C6orf89: variants seen among roughly 807,000 people sequenced by gnomAD.
The protein encoded by C6orf89 is bombesin receptor-activated protein C6orf89.
Under a neutral mutation model 40.7 loss-of-function variants are expected in C6orf89, and 29 were observed. The ratio of observed to expected loss-of-function variants is 0.71; its 90% CI spans 0.53 to 0.97. C6orf89 has a LOEUF of 0.97. Ranked by LOEUF, C6orf89 falls within the 50% of genes least tolerant of loss-of-function variation. C6orf89 has a pLI of 0.00. For missense variants in C6orf89, 392 were observed against 429.1 expected, an observed-to-expected ratio of 0.91 and a Z score of 0.76; for synonymous variants, 165 against 152.2, an observed-to-expected ratio of 1.08 and a Z score of -0.62.
intron 1 of C6orf89, among the ~76,000 whole-genome samples, chr6:36,890,406 T>A (rs1761153417): frequency 6.6e-6 from 1 of 152,234 alleles, no homozygotes. Flanking sequence ...GTATTTATCT[T>A]TCTGTGTCTG....
intron 4 of C6orf89, among the ~76,000 whole-genome samples, chr6:36,906,067 G>A (rs1170560796): frequency 2.0e-5 from 3 of 152,204 alleles, no homozygotes; most frequent in African/African-American, 7.2e-5. Flanking sequence ...TTCTACTGAG[G>A]AAGCCTGGGA....
chr6:36,909,813 T>G (rs1417951157), intron 4 of C6orf89, among the ~76,000 whole-genome samples: 1 of 151,818 alleles, frequency 6.6e-6, no homozygotes, highest in African/African-American at 2.4e-5. Flanking sequence ...TTTTTGTTAA[T>G]TCAAACAGAG....
chr6:36,908,460 ATACT>A (rs66609359), intron 4 of C6orf89, among the ~76,000 whole-genome samples: 37,704 of 151,982 alleles, frequency 0.25, 4,918 homozygotes, highest in African/African-American at 0.31. Context: ...ATATTTAAAA[ATACT>A]TATAATAAAG....
Position 36,924,819 on chromosome 6 carries a change from G to A in C6orf89, c.*1378G>A, listed in dbSNP as rs947145737. The A allele has an allele frequency of 6.6e-6, 1 of 152,210 alleles. No individual in the cohort carries two copies. The highest frequency in any genetic ancestry group is 2.4e-5 in the African/African-American group (1 of 41,462). 9.4% of individuals were successfully genotyped at this position (152,210 alleles called of 1,614,324 possible). ...TCTATGTCAGAATTATGGATCAGAG[G>A]CAGACAATGACGAGTGAAGATGGTT... On this transcript the variant is annotated 3_prime_UTR_variant, in exon 9 of 9. Coordinates refer to ENST00000480824, the MANE Select transcript of C6orf89 (RefSeq NM_001286635.2).
In C6orf89 at chr6:36,927,354, T is replaced by C. The variant is rs914030047; in HGVS notation, c.*3913T>C. 1.3e-5 allele frequency: 2 copies of C among 152,370 alleles called. No homozygotes were observed. Among genetic ancestry groups the C allele is most frequent in the Non-Finnish European group, 2.9e-5 (2 of 68,034 alleles). The allele number at this position is 152,370 out of a possible 1,614,324, so 9.4% of individuals were successfully genotyped here. A position where few individuals can be genotyped will look rare whatever the true frequency, so the allele number is the denominator to read the frequency against. On this transcript the variant is annotated 3_prime_UTR_variant, in exon 9 of 9. Coordinates refer to ENST00000480824, the MANE Select transcript of C6orf89 (RefSeq NM_001286635.2). ...GAGTTTGCTTATTACCCAGTCACTT[T>C]CGTAGTGAATGTTCAAACCCCAAAG...
At position 36,889,829 on chromosome 6, in the gene C6orf89, C is replaced by T. The variant is rs147655804; in HGVS notation, c.-120+3801C>T. ...ATGCCAATGGTTGTGTGTAGAATAA[C>T]GTCGTTATTCTTAGGAGATGCATGT... On this transcript the variant is annotated intron_variant, in intron 1 of 8. Transcript: ENST00000480824. Among the ~76,000 whole-genome samples the T allele has an allele frequency of 3.9e-3, 587 of 152,264 alleles. 1 individual carries two copies. Among genetic ancestry groups the T allele is most frequent in the African/African-American group, 0.013 (548 of 41,534 alleles).
upstream of C6orf89, among the ~76,000 whole-genome samples, chr6:36,885,520 G>A (rs535746081): frequency 2.0e-5 from 3 of 152,160 alleles, no homozygotes; most frequent in Admixed American, 6.5e-5. Flanking sequence ...CTAATGAGTG[G>A]GCTGAGTGAA....
Position 36,914,441 on chromosome 6 carries a change from C to T in C6orf89, c.555+6C>T. ...TCCATCCACTGGTGATCAAGGTGAG[C>T]AGAAGCCTGAGTCTCCCGCTGATTG... is the stretch of plus-strand genomic sequence containing the variant. On this transcript the variant is annotated splice_donor_region_variant and intron_variant, in intron 5 of 8. Coordinates refer to ENST00000480824, the MANE Select transcript of C6orf89 (RefSeq NM_001286635.2). The T allele has an allele frequency of 6.2e-7, 1 of 1,614,124 alleles. No homozygotes were observed. The highest frequency in any genetic ancestry group is 8.5e-7 in the Non-Finnish European group (1 of 1,179,968).
intron 4 of C6orf89, 61 bp from the exon 5 acceptor site, chr6:36,914,223 A>G: frequency 7.2e-7 from 1 of 1,393,824 alleles, no homozygotes; most frequent in Non-Finnish European, 9.9e-7. Flanking sequence ...TGTTGGAGCT[A>G]CTGGATGTAC....
At chr6:36,910,027 G>A (rs1432926894) in intron 4 of C6orf89, among the ~76,000 whole-genome samples, 2 of 152,162 alleles carry the variant, frequency 1.3e-5, no homozygotes, top group East Asian at 3.9e-4. Context: ...TGTGCCAAGG[G>A]ATTGACTAAT....
In C6orf89 at chr6:36,924,933, T is replaced by C. The variant is rs1762630964; in HGVS notation, c.*1492T>C. ...GTCTCATGAACAGCAGTGGGGACCA[T>C]TGAGCACTTGAATGGCCTGTTTGTC... On this transcript the variant is annotated 3_prime_UTR_variant, in exon 9 of 9. Transcript: ENST00000480824. The C allele has an allele frequency of 6.6e-6, 1 of 152,156 alleles. No individual in the cohort carries two copies. The highest frequency in any genetic ancestry group is 1.5e-5 in the Non-Finnish European group (1 of 68,034). 9.4% of individuals were successfully genotyped at this position (152,156 alleles called of 1,614,324 possible). A position where few individuals can be genotyped will look rare whatever the true frequency, so the allele number is the denominator to read the frequency against.
At chr6:36,872,034 T>A in intron 1 of C6orf89, 1 of 598,090 alleles carries the variant, frequency 1.7e-6, no homozygotes, top group Non-Finnish European at 2.6e-6. Context: ...ACAATGCAAG[T>A]AACATAAACA....
intron 7 of C6orf89, among the ~76,000 whole-genome samples, chr6:36,918,382 A>G (rs754121229): frequency 1.3e-5 from 2 of 152,226 alleles, no homozygotes; most frequent in Non-Finnish European, 2.9e-5. Flanking sequence ...TACAGATGTT[A>G]AGGCTTCTGC....
rs1191302356 is a variant in C6orf89, at chr6:36,926,657, GAAT to G, written c.*3221_*3223del. On this transcript the variant is annotated 3_prime_UTR_variant, in exon 9 of 9. Transcript: ENST00000480824. ...GGGGGGCTCATGTTCTGAGAGAAAG[GAAT>G]AATAGCATTTGTCTAGTACATTCCA... The G allele has an allele frequency of 6.6e-6, 1 of 151,878 alleles. No individual in the cohort carries two copies. Among genetic ancestry groups the G allele is most frequent in the Non-Finnish European group, 1.5e-5 (1 of 67,988 alleles). 9.4% of individuals were successfully genotyped at this position (151,878 alleles called of 1,614,324 possible). A position where few individuals can be genotyped will look rare whatever the true frequency, so the allele number is the denominator to read the frequency against.
At position 36,914,429 on chromosome 6, in the gene C6orf89, G is replaced by A; in HGVS notation, c.549G>A (p.Val183=). ...PRKFERLHPL[V]IKTGKPLLEE... ...AATTTGAGAGGCTCCATCCACTGGTGATCAAGGTGAGCAGAAGCCTGAGTC... is the reference window on the plus strand; with the variant it reads ...AATTTGAGAGGCTCCATCCACTGGTAATCAAGGTGAGCAGAAGCCTGAGTC... The change falls in exon 5 of 9, where the codon GTG becomes GTA. Residue 183 remains valine (V), a synonymous_variant. Transcript: ENST00000480824. 6.2e-7 allele frequency: 1 copy of A among 1,614,160 alleles called. No individual in the cohort carries two copies. Among genetic ancestry groups the A allele is most frequent in the Non-Finnish European group, 8.5e-7 (1 of 1,180,018 alleles).
At position 36,901,318 on chromosome 6, in the gene C6orf89, A is replaced by ATTTTTT. The variant is rs1408790414; in HGVS notation, c.190-901_190-900insTTTTTT. ...TATTATTATTATTATTATTATTATT[A>ATTTTTT]TTATTTTTTTTTTTTTTTTTTTTTT... is the stretch of plus-strand genomic sequence containing the variant. On this transcript the variant is annotated intron_variant, in intron 3 of 8. Coordinates refer to ENST00000480824, the MANE Select transcript of C6orf89 (RefSeq NM_001286635.2). Among the ~76,000 whole-genome samples the ATTTTTT allele has an allele frequency of 2.0e-3, 127 of 64,920 alleles. 1 individual carries two copies. The highest frequency in any genetic ancestry group is 9.6e-3 in the Middle Eastern group (1 of 104). 42.6% of individuals were successfully genotyped at this position (64,920 alleles called of 152,430 possible).
chr6:36,914,841 T>G, intron 6 of C6orf89, 148 bp downstream of exon 6: 1 of 926,706 alleles, frequency 1.1e-6, no homozygotes, highest in Non-Finnish European at 1.6e-6. Flanking sequence ...AATACAAAAA[T>G]TAGCCAGGTA....
At chr6:36,889,204 C>T (rs1775102395) in intron 1 of C6orf89, among the ~76,000 whole-genome samples, 1 of 152,132 alleles carries the variant, frequency 6.6e-6, no homozygotes, top group Admixed American at 6.5e-5. Flanking sequence ...GTAGCAACAG[C>T]AGCTGCTGCA....
At chr6:36,903,280 A>G (rs543934760) in intron 4 of C6orf89, among the ~76,000 whole-genome samples, 25 of 151,870 alleles carry the variant, frequency 1.6e-4, no homozygotes, top group African/African-American at 5.8e-4. Context: ...GGGGGATATT[A>G]TTTTGGGATT....
Sources: allele counts gnomAD v4.1 joint callset (sites outside exome capture counted in the v4.1 genomes callset), GRCh38; gene constraint gnomAD v4.1.1; transcripts MANE v1.5; gene names NCBI Gene and HGNC (gene_info 2026-07-23, HGNC 2026-07-21).